The following SLC24A2 variants were observed in gnomAD, a reference collection of about 807,000 sequenced individuals.
SLC24A2 encodes sodium/potassium/calcium exchanger 2.
A neutral mutation model predicts 62.0 loss-of-function variants in SLC24A2; 36 were observed. The observed-to-expected ratio is 0.58, with a 90% confidence interval of 0.44 to 0.77. The LOEUF (loss-of-function observed/expected upper bound fraction) is 0.77. Among genes scored for constraint, SLC24A2 ranks in the 30% least tolerant of loss-of-function variants. SLC24A2 has a pLI of 0.00. For synonymous variants in SLC24A2, 358 were observed against 294.0 expected (o/e 1.22, Z -2.23); for missense variants, 846 against 817.9 (o/e 1.03, Z -0.42).
intron 2 of SLC24A2, among the ~76,000 whole-genome samples, chr9:19,623,210 T>C (rs1817952463): frequency 1.3e-5 from 2 of 152,168 alleles, no homozygotes; most frequent in Non-Finnish European, 1.5e-5. Context: ...GCCTGGTGAA[T>C]AGTTCCTCAT....
chr9:20,001,503 A>C, the SLC24A2 span, among the ~76,000 whole-genome samples: 1 of 152,208 alleles, frequency 6.6e-6, no homozygotes, highest in East Asian at 1.9e-4. Flanking sequence ...ACTGTCCCCA[A>C]GGTGTCAAGG....
the SLC24A2 span, among the ~76,000 whole-genome samples, chr9:19,941,660 T>C: frequency 1.3e-5 from 2 of 151,940 alleles, no homozygotes; most frequent in African/African-American, 4.8e-5. Context: ...TAAACACATG[T>C]GGGCTAAAAT....
At chr9:20,050,272 C>G in the SLC24A2 span, among the ~76,000 whole-genome samples, 6 of 149,460 alleles carry the variant, frequency 4.0e-5, no homozygotes, top group South Asian at 4.3e-4. Flanking sequence ...AAAATTTAGC[C>G]GGTCATGGTG....
chr9:19,830,541 T>C, the SLC24A2 span, among the ~76,000 whole-genome samples: 1 of 152,176 alleles, frequency 6.6e-6, no homozygotes, highest in Non-Finnish European at 1.5e-5. Context: ...CAATCATTCA[T>C]TCGAAACCTC....
In SLC24A2 at chr9:19,672,185, T is replaced by C. The variant is rs186364435; in HGVS notation, c.931-49886A>G. Among the ~76,000 whole-genome samples the C allele has an allele frequency of 1.7e-3, 245 of 146,444 alleles. 12 individuals carry two copies. Among genetic ancestry groups the C allele is most frequent in the Non-Finnish European group, 3.1e-3 (207 of 67,304 alleles). On this transcript the variant is annotated intron_variant, in intron 2 of 10. Coordinates refer to ENST00000341998, the MANE Select transcript of SLC24A2 (RefSeq NM_020344.4). Reference sequence around the variant, plus strand: ...AGCTGTGAATCCTGGACTTTTTTTATTGGCAATTTCAAAATTACCATTTCA... The same window carrying C: ...AGCTGTGAATCCTGGACTTTTTTTACTGGCAATTTCAAAATTACCATTTCA...
chr9:19,702,701 T>C (rs1355474125), intron 2 of SLC24A2, among the ~76,000 whole-genome samples: 1 of 152,180 alleles, frequency 6.6e-6, no homozygotes, highest in Non-Finnish European at 1.5e-5. Flanking sequence ...ATCAGCATGA[T>C]ATTTTGCCAT....
intron 4 of SLC24A2, among the ~76,000 whole-genome samples, chr9:19,598,941 C>T (rs1280956793): frequency 2.0e-5 from 3 of 152,184 alleles, no homozygotes; most frequent in East Asian, 1.9e-4. Context: ...GAATAAGCAG[C>T]TGGCATTCTC....
At chr9:20,116,672 C>A in the SLC24A2 span, among the ~76,000 whole-genome samples, 1 of 152,042 alleles carries the variant, frequency 6.6e-6, no homozygotes, top group Non-Finnish European at 1.5e-5. Context: ...GAACATACTG[C>A]AAAGTAAAAA....
At chr9:19,933,228 C>A in the SLC24A2 span, among the ~76,000 whole-genome samples, 123 of 152,302 alleles carry the variant, frequency 8.1e-4, no homozygotes, top group Admixed American at 1.4e-3. Context: ...GTAAGGCATG[C>A]TAAGGTACCC....
At chr9:19,739,098 C>T (rs893369916) in intron 2 of SLC24A2, among the ~76,000 whole-genome samples, 1 of 152,198 alleles carries the variant, frequency 6.6e-6, no homozygotes, top group African/African-American at 2.4e-5. Flanking sequence ...TCCGGGGTGA[C>T]AGAGTGAGAC....
chr9:19,581,764 G>A (rs1176624420), intron 5 of SLC24A2, among the ~76,000 whole-genome samples: 1 of 152,180 alleles, frequency 6.6e-6, no homozygotes, highest in Non-Finnish European at 1.5e-5. Flanking sequence ...CATAAAGGGT[G>A]GCATAGAGGA....
At chr9:20,280,455 G>A in the SLC24A2 span, among the ~76,000 whole-genome samples, 1 of 152,186 alleles carries the variant, frequency 6.6e-6, no homozygotes, top group African/African-American at 2.4e-5. Context: ...TAGATCACAG[G>A]AGGCACCAGC....
upstream of SLC24A2, among the ~76,000 whole-genome samples, chr9:19,790,715 T>C (rs1404258919): frequency 1.3e-5 from 2 of 152,128 alleles, no homozygotes; most frequent in African/African-American, 4.8e-5. Context: ...TATTTTGCCT[T>C]TTCTATACAA....
the SLC24A2 span, among the ~76,000 whole-genome samples, chr9:20,288,954 G>A: frequency 8.6e-5 from 13 of 152,030 alleles, no homozygotes; most frequent in South Asian, 8.3e-4. Flanking sequence ...ACTGACAGCC[G>A]GCATCAACCA....
At chr9:19,815,129 C>T in the SLC24A2 span, among the ~76,000 whole-genome samples, 1 of 151,968 alleles carries the variant, frequency 6.6e-6, no homozygotes, top group Non-Finnish European at 1.5e-5. Flanking sequence ...CACTACAAAC[C>T]CTGGGCCCTA....
chr9:19,644,713 G>C (rs1322663501), intron 2 of SLC24A2, among the ~76,000 whole-genome samples: 1 of 150,330 alleles, frequency 6.7e-6, no homozygotes, highest in African/African-American at 2.5e-5. Context: ...CAATATGCTT[G>C]AAACAACAAG....
chr9:20,207,746 C>T, the SLC24A2 span, among the ~76,000 whole-genome samples: 1 of 152,168 alleles, frequency 6.6e-6, no homozygotes, highest in Non-Finnish European at 1.5e-5. Flanking sequence ...CATTCACTTT[C>T]ATTGAACACT....
At chr9:19,657,086 G>C (rs1394550859) in intron 2 of SLC24A2, among the ~76,000 whole-genome samples, 1 of 152,174 alleles carries the variant, frequency 6.6e-6, no homozygotes, top group East Asian at 1.9e-4. Flanking sequence ...CTCAACTCCA[G>C]ACTATAATCT....
the SLC24A2 span, among the ~76,000 whole-genome samples, chr9:20,144,658 G>C: frequency 6.6e-6 from 1 of 152,128 alleles, no homozygotes; most frequent in Admixed American, 6.6e-5. Flanking sequence ...ACTGTGGGGG[G>C]ACCACATTCC....
Sources: gnomAD v4.1 joint callset for allele counts (sites outside exome capture counted in the v4.1 genomes callset) on GRCh38, gnomAD v4.1.1 for gene constraint, MANE v1.5 for transcripts, NCBI Gene and HGNC (gene_info 2026-07-23, HGNC 2026-07-21) for gene names.